PPP1R36: variants seen among roughly 807,000 people sequenced by gnomAD.
PPP1R36 encodes chromosome 14 open reading frame 50.
A neutral mutation model predicts 53.4 loss-of-function variants in PPP1R36; 47 were observed. The observed-to-expected ratio is 0.88, with a 90% CI of 0.70 to 1.12. PPP1R36 has a LOEUF of 1.12. Among genes scored for constraint, PPP1R36 ranks in the 50% most tolerant of loss-of-function variants. The pLI, the probability that PPP1R36 is intolerant of heterozygous loss-of-function variation, is 0.00. For synonymous variants in PPP1R36, 153 were observed against 170.5 expected, an observed-to-expected ratio of 0.90 and a Z score of 0.80; for missense variants, 456 against 513.9, an observed-to-expected ratio of 0.89 and a Z score of 1.09.
intron 5 of PPP1R36, 41 bp from the exon 6 acceptor site, chr14:64,565,585 G>C (rs558245314): frequency 7.3e-5 from 114 of 1,560,492 alleles, no homozygotes; most frequent in Non-Finnish European, 9.1e-5. Context: ...CTCTAAGGTA[G>C]CTCTTTGTCC....
At chr14:64,564,446 A>G (rs1040899830) in intron 3 of PPP1R36, among the ~76,000 whole-genome samples, 6 of 152,258 alleles carry the variant, frequency 3.9e-5, no homozygotes, top group Admixed American at 6.5e-5. Context: ...AAGTGCCTCA[A>G]TAAATAATCT....
At chr14:64,553,067 G>A (rs186462336) in intron 3 of PPP1R36, among the ~76,000 whole-genome samples, 100 of 152,010 alleles carry the variant, frequency 6.6e-4, no homozygotes, top group Admixed American at 2.3e-3. Flanking sequence ...GACTTCCCAG[G>A]CTTAGGTGAT....
chr14:64,552,754 A>G, intron 2 of PPP1R36, 60 bp from the exon 3 acceptor site: 1 of 1,305,230 alleles, frequency 7.7e-7, no homozygotes, highest in Non-Finnish European at 1.1e-6. Context: ...TAGAATATGT[A>G]TTTCAGTATT....
intron 10 of PPP1R36, 77 bp downstream of exon 10, chr14:64,587,449 T>TTTTTTTTTTTTTTTTTTTTTTTC (rs2080444674): frequency 5.3e-5 from 1 of 18,982 alleles, no homozygotes; most frequent in Non-Finnish European, 7.7e-5. Context: ...TTTTTTCTCC[T>TTTTTTTTTTTTTTTTTTTTTTTC]TTTTTTTTTT....
chr14:64,567,242 G>C (rs773349240), intron 6 of PPP1R36, among the ~76,000 whole-genome samples: 3 of 152,180 alleles, frequency 2.0e-5, no homozygotes, highest in Non-Finnish European at 4.4e-5. Flanking sequence ...AAAATATTTA[G>C]AAAGAAAACA....
intron 6 of PPP1R36, among the ~76,000 whole-genome samples, chr14:64,566,260 T>TCC (rs2080255018): frequency 1.3e-5 from 2 of 151,480 alleles, no homozygotes; most frequent in Non-Finnish European, 2.9e-5. Context: ...AGAGCAAGAC[T>TCC]CTCTCAGACC....
intron 8 of PPP1R36, among the ~76,000 whole-genome samples, chr14:64,577,138 T>C (rs539848340): frequency 6.6e-6 from 1 of 152,328 alleles, no homozygotes; most frequent in African/African-American, 2.4e-5. Context: ...CAGCTTCTCA[T>C]TGTATCCTCA....
At chr14:64,552,784 CA>C (rs1365777900) in intron 2 of PPP1R36, 29 bp from the exon 3 acceptor site, 1 of 1,605,044 alleles carries the variant, frequency 6.2e-7, no homozygotes, top group Non-Finnish European at 8.5e-7. Flanking sequence ...CCCGTCACTT[CA>C]AAGCAGTAAT....
In PPP1R36 at chr14:64,574,461, T is replaced by C. The variant is rs1486521007; in HGVS notation, c.540T>C (p.Leu180=). The C allele has an allele frequency of 6.8e-6, 11 of 1,612,636 alleles. No homozygotes were observed. Among genetic ancestry groups the C allele is most frequent in the Non-Finnish European group, 9.3e-6 (11 of 1,179,550 alleles). Residue 180 remains leucine (L), a synonymous_variant, in exon 8 of 12, where the codon CTT becomes CTC. Coordinates refer to ENST00000298705, the MANE Select transcript of PPP1R36 (RefSeq NM_172365.3). ...TTTTTGTCCTCCCCATCAGAGGCCT[T>C]GTAGAGAAAAAAGAAATGGAATTGG... is the stretch of plus-strand genomic sequence containing the variant. ...EKKPKSYMVG[L]VEKKEMELVL...
chr14:64,580,607 G>GT (rs1225842766), intron 8 of PPP1R36, among the ~76,000 whole-genome samples: 3 of 152,140 alleles, frequency 2.0e-5, no homozygotes, highest in Non-Finnish European at 4.4e-5. Flanking sequence ...CATAACCCAT[G>GT]TTTCCTCTGC....
chr14:64,587,871 G>A (rs1042688041), intron 10 of PPP1R36, among the ~76,000 whole-genome samples: 2 of 151,976 alleles, frequency 1.3e-5, no homozygotes, highest in Non-Finnish European at 2.9e-5. Context: ...TGATCCTCCT[G>A]TAGCTAGGAC....
Position 64,589,145 on chromosome 14 carries a change from T to G in PPP1R36, c.1083-7T>G, listed in dbSNP as rs1261662103. 5.0e-6 allele frequency: 8 copies of G among 1,609,066 alleles called. No homozygotes were observed. Among genetic ancestry groups the G allele is most frequent in the Non-Finnish European group, 5.9e-6 (7 of 1,177,834 alleles). On this transcript the variant is annotated splice_region_variant and splice_polypyrimidine_tract_variant and intron_variant, in intron 11 of 11. Transcript: ENST00000298705. ...CACTTCAGCTATCCCAATAATTCTT[T>G]TCACAGAGTTGGCATCTTGGGGGAG...
At chr14:64,576,517 A>G (rs933379593) in intron 8 of PPP1R36, among the ~76,000 whole-genome samples, 1 of 152,242 alleles carries the variant, frequency 6.6e-6, no homozygotes, top group Non-Finnish European at 1.5e-5. Flanking sequence ...ACAGATATAC[A>G]TATGAAGTTT....
At chr14:64,582,423 G>C (rs1483047383) in intron 8 of PPP1R36, among the ~76,000 whole-genome samples, 5 of 152,142 alleles carry the variant, frequency 3.3e-5, no homozygotes, top group Middle Eastern at 3.2e-3. Context: ...CATCATAACA[G>C]GCCACTAAAA....
At chr14:64,574,830 T>C (rs1015083616) in intron 8 of PPP1R36, among the ~76,000 whole-genome samples, 2 of 152,204 alleles carry the variant, frequency 1.3e-5, no homozygotes, top group Non-Finnish European at 2.9e-5. Flanking sequence ...CTGCTTGAGA[T>C]TGAATGACAT....
intron 7 of PPP1R36, among the ~76,000 whole-genome samples, chr14:64,570,758 G>A (rs930089146): frequency 2.0e-5 from 3 of 152,176 alleles, no homozygotes; most frequent in Non-Finnish European, 2.9e-5. Flanking sequence ...GCCTACAGCC[G>A]TGAGAGGAAA....
At position 64,552,908 on chromosome 14, in the gene PPP1R36, A is replaced by C. The variant is rs776825417; in HGVS notation, c.182+47A>C. 1.4e-5 allele frequency: 21 copies of C among 1,498,350 alleles called. No individual in the cohort carries two copies. The South Asian group carries it at 1.8e-4, about 13-fold the overall frequency. The allele number at this position is 1,498,350 out of a possible 1,614,324, so 92.8% of individuals were successfully genotyped here. A position where few individuals can be genotyped will look rare whatever the true frequency, so the allele number is the denominator to read the frequency against. ...AGATAGCTTTGGGATTAGACAGACA[A>C]GATAGTTACAGAAGTCAAAATACAT... On this transcript the variant is annotated intron_variant, in intron 3 of 11. Coordinates refer to ENST00000298705, the MANE Select transcript of PPP1R36 (RefSeq NM_172365.3).
At chr14:64,574,914 T>C (rs9671381) in intron 8 of PPP1R36, among the ~76,000 whole-genome samples, 106,763 of 152,140 alleles carry the variant, frequency 0.7, 39,383 homozygotes, top group East Asian at 0.86. Flanking sequence ...GGGCAGGAGG[T>C]CTGGTGGGGC....
chr14:64,554,950 A>G (rs1396883776), intron 3 of PPP1R36, among the ~76,000 whole-genome samples: 1 of 152,128 alleles, frequency 6.6e-6, no homozygotes, highest in Non-Finnish European at 1.5e-5. Flanking sequence ...CCTTAGGAGA[A>G]AGGCAAGTGC....
Sources: allele counts gnomAD v4.1 joint callset (sites outside exome capture counted in the v4.1 genomes callset), GRCh38; gene constraint gnomAD v4.1.1; transcripts MANE v1.5; gene names NCBI Gene and HGNC (gene_info 2026-07-23, HGNC 2026-07-21).